The following TRIM37 variants were observed in gnomAD, a reference collection of about 807,000 sequenced individuals.
The protein encoded by TRIM37 is E3 ubiquitin-protein ligase TRIM37.
A neutral mutation model predicts 129.8 loss-of-function variants in TRIM37; 80 were observed. The observed-to-expected ratio is 0.62, with a 90% CI of 0.51 to 0.74. TRIM37 has a LOEUF of 0.74. Ranked by LOEUF, TRIM37 falls within the 30% of genes least tolerant of loss-of-function variation. The pLI is 0.00. For synonymous variants in TRIM37, 389 were observed against 387.1 expected (o/e 1.00, Z -0.06); for missense variants, 1,054 against 1,176.5 (o/e 0.90, Z 1.52).
At chr17:58,989,196 G>A (rs1395637874) in intron 24 of TRIM37, among the ~76,000 whole-genome samples, 1 of 152,114 alleles carries the variant, frequency 6.6e-6, no homozygotes, top group African/African-American at 2.4e-5. Flanking sequence ...ATTGTTTTGA[G>A]AGGCCAAGGT....
intron 20 of TRIM37, among the ~76,000 whole-genome samples, chr17:59,017,026 G>A (rs535123981): frequency 3.3e-5 from 5 of 152,030 alleles, no homozygotes; most frequent in African/African-American, 7.2e-5. Flanking sequence ...TTAGCTAGGC[G>A]TAGTGGTGCA....
chr17:59,041,709 AACCATGTACAAGC>A, intron 17 of TRIM37, 91 bp downstream of exon 17: 1 of 832,378 alleles, frequency 1.2e-6, no homozygotes, highest in Non-Finnish European at 2.1e-6. Flanking sequence ...CAACACCATG[AACCATGTACAAGC>A]AGTGGCTACC....
downstream of TRIM37, among the ~76,000 whole-genome samples, chr17:58,996,271 G>A (rs1160573195): frequency 6.6e-6 from 1 of 151,788 alleles, no homozygotes; most frequent in Non-Finnish European, 1.5e-5. Flanking sequence ...CAGAGTTCGA[G>A]ACCAGCCTAG....
rs1250622799 is a variant in TRIM37 at position 59,031,928 on chromosome 17, G to C, written c.1916C>G (p.Pro639Arg). The C allele has an allele frequency of 1.2e-6, 2 of 1,614,062 alleles. No individual in the cohort carries two copies. Among genetic ancestry groups the C allele is most frequent in the Admixed American group, 1.7e-5 (1 of 59,986 alleles). ...SSIENLWGLQ[P>R]RPPASLLQPT... ...CTGCAGAAGTGAAGCAGGTGGGCGA[G>C]GCTGTAAGCCCCACAAATTTTCTAT... The change falls in exon 18 of 24, where the codon CCT becomes CGT. Residue 639 changes from proline (P) to arginine (R), a missense_variant. By Grantham distance (103) the Pro-to-Arg change is moderately radical. Coordinates refer to ENST00000262294, the MANE Select transcript of TRIM37 (RefSeq NM_015294.6).
intron 17 of TRIM37, among the ~76,000 whole-genome samples, chr17:59,040,574 A>G (rs1301582792): frequency 6.6e-6 from 1 of 152,196 alleles, no homozygotes; most frequent in Non-Finnish European, 1.5e-5. Flanking sequence ...GAAACTATGG[A>G]AAGACAAAGG....
downstream of TRIM37, chr17:58,980,125 G>T (rs2031274378): frequency 1.2e-6 from 2 of 1,614,028 alleles, no homozygotes; most frequent in Admixed American, 3.3e-5. The surrounding 1 kb of genome is among the most constrained non-coding windows in gnomAD (Gnocchi z 4.7). Context: ...CCGACCACCT[G>T]AAAGAGAATA....
intron 2 of TRIM37, among the ~76,000 whole-genome samples, chr17:59,096,341 C>T (rs1012102866): frequency 6.6e-6 from 1 of 151,732 alleles, no homozygotes; most frequent in Non-Finnish European, 1.5e-5. Context: ...CACCTGGAGT[C>T]AGGAGTTCGA....
At chr17:58,995,024 C>T (rs1598771491), downstream of TRIM37, among the ~76,000 whole-genome samples, 2 of 152,246 alleles carry the variant, frequency 1.3e-5, no homozygotes, top group Non-Finnish European at 2.9e-5. Context: ...ACTGGGATTA[C>T]AGGCATGAGC....
intron 13 of TRIM37, among the ~76,000 whole-genome samples, chr17:59,055,490 C>T (rs536113093): frequency 1.3e-5 from 2 of 151,214 alleles, no homozygotes; most frequent in Non-Finnish European, 2.9e-5. Context: ...GTCAGGAGAT[C>T]GAGACCATCC....
intron 24 of TRIM37, among the ~76,000 whole-genome samples, chr17:58,990,603 C>A (rs1325461152): frequency 4.0e-5 from 6 of 148,554 alleles, no homozygotes; most frequent in Admixed American, 3.4e-4. Context: ...CCAGCCTGAC[C>A]AACCTGGTGA....
downstream of TRIM37, among the ~76,000 whole-genome samples, chr17:58,978,543 T>C (rs560737657): frequency 6.6e-6 from 1 of 152,146 alleles, no homozygotes; most frequent in East Asian, 1.9e-4. Flanking sequence ...AAACCCCGTC[T>C]CTAATAAAAA....
chr17:59,045,347 A>G (rs1415913614), intron 16 of TRIM37, among the ~76,000 whole-genome samples: 1 of 151,732 alleles, frequency 6.6e-6, no homozygotes, highest in Non-Finnish European at 1.5e-5. Context: ...AAAAAAGAAA[A>G]AAAAAATTAC....
intron 19 of TRIM37, among the ~76,000 whole-genome samples, chr17:59,021,894 C>A (rs940851649): frequency 2.6e-5 from 4 of 151,572 alleles, no homozygotes; most frequent in African/African-American, 9.7e-5. Flanking sequence ...ATATATATAC[C>A]TACAATGTAC....
At chr17:59,020,261 G>T (rs1449822462) in intron 19 of TRIM37, among the ~76,000 whole-genome samples, 2 of 71,392 alleles carry the variant, frequency 2.8e-5, no homozygotes, top group Non-Finnish European at 5.8e-5. Flanking sequence ...AAAAAAAAAA[G>T]CATTAACAAA....
chr17:59,060,759 T>A (rs951920473), intron 12 of TRIM37, among the ~76,000 whole-genome samples: 12 of 152,260 alleles, frequency 7.9e-5, no homozygotes, highest in South Asian at 4.1e-4. Context: ...AATGATATTT[T>A]AAAAAAATTG....
intron 8 of TRIM37, among the ~76,000 whole-genome samples, chr17:59,074,351 C>A (rs967761717): frequency 1.9e-4 from 29 of 151,954 alleles, no homozygotes; most frequent in African/African-American, 7.0e-4. Flanking sequence ...TGAGTATCTG[C>A]GGATTTTGGT....
intron 13 of TRIM37, among the ~76,000 whole-genome samples, chr17:59,056,024 T>C (rs2040835252): frequency 6.6e-6 from 1 of 152,224 alleles, no homozygotes; most frequent in Admixed American, 6.5e-5. Flanking sequence ...GAACTGATAG[T>C]TGCTTTATAA....
At chr17:58,985,391 T>C (rs2031705098) in intron 24 of TRIM37, among the ~76,000 whole-genome samples, 3 of 152,216 alleles carry the variant, frequency 2.0e-5, no homozygotes, top group African/African-American at 7.2e-5. Flanking sequence ...CTTCATTAGC[T>C]GAACTGCGAG....
chr17:59,079,199 T>C (rs748551998), intron 7 of TRIM37, among the ~76,000 whole-genome samples: 7 of 152,096 alleles, frequency 4.6e-5, no homozygotes, highest in East Asian at 1.9e-4. Flanking sequence ...AAACAAACCA[T>C]AGCATTGGAT....
Sources: gnomAD v4.1 joint callset for allele counts (sites outside exome capture counted in the v4.1 genomes callset) on GRCh38, gnomAD v4.1.1 for gene constraint, Gnocchi (gnomAD v3.1) non-coding constraint, MANE v1.5 for transcripts, NCBI Gene and HGNC (gene_info 2026-07-23, HGNC 2026-07-21) for gene names.